The following MEI4 variants were observed in gnomAD, a reference collection of about 807,000 sequenced individuals.
MEI4 encodes the protein meiotic double-stranded break formation protein 4.
In MEI4, 27 loss-of-function variants were observed where a neutral mutation model predicts 31.4. The ratio of observed to expected loss-of-function variants is 0.86; its 90% CI spans 0.63 to 1.19. The LOEUF (loss-of-function observed/expected upper bound fraction) is 1.19, where lower values mean the gene tolerates loss of function less well. Ranked by LOEUF, MEI4 falls within the 50% of genes most tolerant of loss-of-function variation. The probability of loss-of-function intolerance (pLI) is 0.00; values close to 1 mark genes in which losing one functional copy is unlikely to be tolerated. For synonymous variants in MEI4, 122 were observed against 145.4 expected, an observed-to-expected ratio of 0.84 and a Z score of 1.16; for missense variants, 329 against 398.9, an observed-to-expected ratio of 0.82 and a Z score of 1.49.
chr6:77,668,841 T>C (rs2127644882), intron 1 of MEI4, among the ~76,000 whole-genome samples: 1 of 152,328 alleles, frequency 6.6e-6, no homozygotes, highest in South Asian at 2.1e-4. Context: ...GCAATGAGCA[T>C]CCCACGGCAG....
chr6:77,906,519 G>A (rs374740810), intron 4 of MEI4, among the ~76,000 whole-genome samples: 1 of 152,288 alleles, frequency 6.6e-6, no homozygotes, highest in African/African-American at 2.4e-5. Context: ...GAATTGCTGG[G>A]ACCTTTAATA....
Position 77,809,082 on chromosome 6 carries a change from G to A in MEI4, c.769-19849G>A, listed in dbSNP as rs143400134. 1.4e-3 allele frequency among the ~76,000 whole-genome samples: 215 copies of A among 152,288 alleles called. 1 individual carries two copies. Among genetic ancestry groups the A allele is most frequent in the African/African-American group, 4.5e-3 (187 of 41,564 alleles). On this transcript the variant is annotated intron_variant, in intron 3 of 4. Coordinates refer to ENST00000684080, the MANE Select transcript of MEI4 (RefSeq NM_001322247.2). Reference sequence around the variant, plus strand: ...AAATGTGATCTGGGTGTCATATCACGGTGTCTACCAGAGGACAAGTTAGAG... The same window carrying A: ...AAATGTGATCTGGGTGTCATATCACAGTGTCTACCAGAGGACAAGTTAGAG...
chr6:77,864,938 C>A (rs1002804390), intron 4 of MEI4, among the ~76,000 whole-genome samples: 7 of 152,008 alleles, frequency 4.6e-5, no homozygotes, highest in Admixed American at 2.0e-4. Context: ...CACTCAAAAC[C>A]GCTCAACTAC....
intron 4 of MEI4, among the ~76,000 whole-genome samples, chr6:77,830,793 C>A (rs550528485): frequency 2.0e-5 from 3 of 152,018 alleles, no homozygotes; most frequent in Non-Finnish European, 2.9e-5. Context: ...TGAAACTATG[C>A]AACTACTAGA....
At chr6:77,883,174 T>C (rs1771529017) in intron 4 of MEI4, among the ~76,000 whole-genome samples, 1 of 152,158 alleles carries the variant, frequency 6.6e-6, no homozygotes, top group East Asian at 1.9e-4. Context: ...TTTAGTAGTG[T>C]CTTTTTTAAT....
intron 3 of MEI4, among the ~76,000 whole-genome samples, chr6:77,797,137 A>T (rs1769100889): frequency 6.6e-6 from 1 of 152,210 alleles, no homozygotes; most frequent in African/African-American, 2.4e-5. Context: ...GGATATCCAC[A>T]TGTAAAATAA....
At chr6:77,773,621 G>GTAA (rs1366488604) in intron 3 of MEI4, among the ~76,000 whole-genome samples, 1 of 152,012 alleles carries the variant, frequency 6.6e-6, no homozygotes. Context: ...GGTTTCTTGA[G>GTAA]TAATACCTCA....
chr6:77,729,665 T>A (rs1766920792), intron 2 of MEI4, among the ~76,000 whole-genome samples: 1 of 152,166 alleles, frequency 6.6e-6, no homozygotes, highest in African/African-American at 2.4e-5. Context: ...TCACCCCCTT[T>A]TTATTCAGCA....
rs1048678909 is a variant in MEI4, at chr6:77,690,678, G to A, written c.7G>A (p.Val3Ile). The A allele has an allele frequency of 5.2e-5, 64 of 1,230,534 alleles. No homozygotes were observed. Among genetic ancestry groups the A allele is most frequent in the Non-Finnish European group, 5.8e-5 (57 of 986,744 alleles). The allele number at this position is 1,230,534 out of a possible 1,614,324, so 76.2% of individuals were successfully genotyped here. MDVQKWYLRTSKL... is the reference protein window; with the variant it reads MDIQKWYLRTSKL... ...GATAGGGACAAAAGCCAGGATGGAT[G>A]TTCAAAAATGGTATTTGAGAACTTC... The change falls in exon 2 of 5, where the codon GTT becomes ATT. Residue 3 changes from valine (V) to isoleucine (I), a missense_variant. Coordinates refer to ENST00000684080, the MANE Select transcript of MEI4 (RefSeq NM_001322247.2).
chr6:77,879,220 G>A (rs1410402766), intron 4 of MEI4, among the ~76,000 whole-genome samples: 1 of 151,962 alleles, frequency 6.6e-6, no homozygotes, highest in African/African-American at 2.4e-5. Flanking sequence ...ATTAAAATAT[G>A]ACAGTGTTTT....
At chr6:77,844,503 A>G (rs1770433796) in intron 4 of MEI4, among the ~76,000 whole-genome samples, 1 of 152,144 alleles carries the variant, frequency 6.6e-6, no homozygotes, top group African/African-American at 2.4e-5. Context: ...AACTGCAAAT[A>G]TCCTTCTCAG....
chr6:77,811,159 T>G (rs1459601446), intron 3 of MEI4, among the ~76,000 whole-genome samples: 9 of 152,166 alleles, frequency 5.9e-5, no homozygotes, highest in Admixed American at 2.6e-4. Context: ...TGTTTACTAG[T>G]TTGGCATGTA....
chr6:77,799,229 T>A (rs957788045), intron 3 of MEI4, among the ~76,000 whole-genome samples: 1 of 152,194 alleles, frequency 6.6e-6, no homozygotes, highest in African/African-American at 2.4e-5. Flanking sequence ...TGATTTGCAT[T>A]TCTCTGATGG....
chr6:77,886,436 T>TTTTA (rs141610716), intron 4 of MEI4, among the ~76,000 whole-genome samples: 1 of 150,060 alleles, frequency 6.7e-6, no homozygotes, highest in African/African-American at 2.5e-5. Context: ...TCCAGTTTTG[T>TTTTA]TTTTTTTTTT....
intron 4 of MEI4, among the ~76,000 whole-genome samples, chr6:77,886,376 A>T (rs550831824): frequency 6.6e-6 from 1 of 151,382 alleles, no homozygotes; most frequent in East Asian, 1.9e-4. Context: ...TCTCAAGTCA[A>T]TCTTGGTAGG....
Position 77,925,685 on chromosome 6 carries a change from A to C in MEI4, c.*2339A>C, listed in dbSNP as rs1344207373. The C allele has an allele frequency of 2.0e-5, 3 of 151,022 alleles. No individual in the cohort carries two copies. The highest frequency in any genetic ancestry group is 7.3e-5 in the African/African-American group (3 of 41,266). 9.4% of individuals were successfully genotyped at this position (151,022 alleles called of 1,614,324 possible). A position where few individuals can be genotyped will look rare whatever the true frequency, so the allele number is the denominator to read the frequency against. ...GATAGGAAATAAAGAGAACCATAGA[A>C]TGATCATAAAAATGAAGCAAATAAA... is the stretch of plus-strand genomic sequence containing the variant. On this transcript the variant is annotated 3_prime_UTR_variant, in exon 5 of 5. Coordinates refer to ENST00000684080, the MANE Select transcript of MEI4 (RefSeq NM_001322247.2).
At chr6:77,909,769 A>G (rs888771961) in intron 4 of MEI4, among the ~76,000 whole-genome samples, 5 of 152,212 alleles carry the variant, frequency 3.3e-5, no homozygotes, top group Non-Finnish European at 5.9e-5. Context: ...AGAGAATTTT[A>G]GACCAATATC....
chr6:77,907,993 G>GT (rs36134334), intron 4 of MEI4, among the ~76,000 whole-genome samples: 52,204 of 144,118 alleles, frequency 0.36, 9,811 homozygotes, highest in African/African-American at 0.49. Context: ...TGTTGATGGG[G>GT]TTTTTTTTTT....
At chr6:77,793,694 A>G (rs971905828) in intron 3 of MEI4, among the ~76,000 whole-genome samples, 2 of 152,170 alleles carry the variant, frequency 1.3e-5, no homozygotes, top group African/African-American at 4.8e-5. Flanking sequence ...TAATTTTTGT[A>G]TATGATTAAA....
Sources: gnomAD v4.1 joint callset for allele counts (sites outside exome capture counted in the v4.1 genomes callset) on GRCh38, gnomAD v4.1.1 for gene constraint, MANE v1.5 for transcripts, NCBI Gene and HGNC (gene_info 2026-07-23, HGNC 2026-07-21) for gene names.